Variants in TMEM82 observed in about 807,000 individuals in gnomAD.
TMEM82 encodes the protein transmembrane protein 82.
A neutral mutation model predicts 29.2 loss-of-function variants in TMEM82; 30 were observed. The ratio of observed to expected loss-of-function variants is 1.03; its 90% CI spans 0.77 to 1.39. TMEM82 has a LOEUF of 1.39. TMEM82 is among the 40% of genes most tolerant of loss of function. The pLI, the probability that TMEM82 is intolerant of heterozygous loss-of-function variation, is 0.00. For synonymous variants in TMEM82, 221 were observed against 225.4 expected (o/e 0.98, Z 0.18); for missense variants, 442 against 447.7 (o/e 0.99, Z 0.12).
chr1:15,742,681 G>C, intron 1 of TMEM82, 34 bp downstream of exon 1: 1 of 1,579,272 alleles, frequency 6.3e-7, no homozygotes, highest in East Asian at 2.3e-5. Flanking sequence ...CCTTGGCCCC[G>C]CCCCCTTCCA....
chr1:15,744,632 G>A lies in TMEM82; in HGVS notation c.757+52G>A, dbSNP rs756642969. 16 of 1,524,432 alleles carry A rather than the reference G, an allele frequency of 1.0e-5. 1 individual carries two copies. The South Asian group carries it at 2.1e-4, about 20-fold the overall frequency. 94.4% of individuals were successfully genotyped at this position (1,524,432 alleles called of 1,614,324 possible). On this transcript the variant is annotated intron_variant, in intron 4 of 5. Coordinates refer to ENST00000375782, the MANE Select transcript of TMEM82 (RefSeq NM_001013641.3). This position sits in a 1 kb window ranked among gnomAD's most constrained non-coding sequence, Gnocchi z 5.2. ...CAATCCACGCACATCCCTCTGTCTG[G>A]GTCAGGCTCCGGGGAGGCCGAGAGC...
chr1:15,742,761 C>T (rs2148393658), intron 1 of TMEM82, 74 bp from the exon 2 acceptor site: 1 of 1,547,454 alleles, frequency 6.5e-7, no homozygotes, highest in African/African-American at 1.4e-5. Flanking sequence ...GCCGCCCCCT[C>T]TGACCCTACC....
chr1:15,746,263 C>T (rs2068334657), intron 4 of TMEM82, among the ~76,000 whole-genome samples: 1 of 151,788 alleles, frequency 6.6e-6, no homozygotes, highest in Non-Finnish European at 1.5e-5. Flanking sequence ...GCAGGCAAAT[C>T]ACTTGAGGTC....
Position 15,746,856 on chromosome 1 carries a change from G to A in TMEM82, c.758-11G>A, listed in dbSNP as rs201599250. 1.3e-5 allele frequency: 20 copies of A among 1,554,486 alleles called. No individual in the cohort carries two copies. Among genetic ancestry groups the A allele is most frequent in the South Asian group, 8.1e-5 (7 of 86,648 alleles). ...TGTGGTCGGACGGTGACAGGCACCC[G>A]CATCCCACAGAGGAGCAGCGGCAGC... On this transcript the variant is annotated splice_polypyrimidine_tract_variant and intron_variant, in intron 4 of 5. Coordinates refer to ENST00000375782, the MANE Select transcript of TMEM82 (RefSeq NM_001013641.3).
chr1:15,746,021 G>A (rs1284864572), intron 4 of TMEM82, among the ~76,000 whole-genome samples: 4 of 151,134 alleles, frequency 2.6e-5, no homozygotes, highest in Admixed American at 1.3e-4. Flanking sequence ...CACTGTGCCC[G>A]GCTTACTGCA....
rs150676407 is a variant in TMEM82, at chr1:15,747,608, G to A, written c.1008G>A (p.Gln336=). The A allele has an allele frequency of 5.8e-4, 937 of 1,614,068 alleles. 11 individuals are homozygous for A. The African/African-American group carries it at 0.011, about 20-fold the overall frequency. The change falls in exon 6 of 6, where the codon CAG becomes CAA. Residue 336 remains glutamine (Q), a synonymous_variant. Transcript: ENST00000375782. ...TPSQPLPSAP[Q]SQSSAPS ...GCCAGCCCCTGCCCTCGGCACCCCA[G>A]TCCCAGAGTTCGGCCCCCTCTTGAC...
chr1:15,744,543 C>T lies in TMEM82; in HGVS notation c.720C>T (p.Leu240=), dbSNP rs746432293. The change falls in exon 4 of 6, where the codon CTC becomes CTT. Residue 240 remains leucine, a synonymous_variant. Transcript: ENST00000375782. This position sits in a 1 kb window ranked among gnomAD's most constrained non-coding sequence, Gnocchi z 5.2. ...TSEAMRFWTP[L]TICYTLLVIY... is the part of the protein sequence containing the mutation. ...AGGCCATGCGGTTCTGGACACCGCTCACCATCTGCTACACGCTGCTGGTCA... is the reference window on the plus strand; with the variant it reads ...AGGCCATGCGGTTCTGGACACCGCTTACCATCTGCTACACGCTGCTGGTCA... 6.2e-6 allele frequency: 10 copies of T among 1,612,116 alleles called. No individual in the cohort carries two copies. In the South Asian group the frequency reaches 9.9e-5, roughly 16 times the overall value.
At position 15,747,071 on chromosome 1, in the gene TMEM82, C is replaced by T. The variant is rs1296766010; in HGVS notation, c.945+17C>T. 1 of 1,598,064 alleles carries T rather than the reference C, an allele frequency of 6.3e-7. No homozygotes were observed. Among genetic ancestry groups the T allele is most frequent in the Admixed American group, 1.7e-5 (1 of 58,396 alleles). On this transcript the variant is annotated intron_variant, in intron 5 of 5. Transcript: ENST00000375782. Reference sequence around the variant, plus strand: ...CAGATACAGGTGGGCACCCCCATCCCATGTGTCCCCCAGACAATGAACCCT... The same window carrying T: ...CAGATACAGGTGGGCACCCCCATCCTATGTGTCCCCCAGACAATGAACCCT...
At position 15,743,205 on chromosome 1, in the gene TMEM82, C is replaced by T. The variant is rs779844463; in HGVS notation, c.336+11C>T. On this transcript the variant is annotated intron_variant, in intron 3 of 5. Transcript: ENST00000375782. Reference sequence around the variant, plus strand: ...CTGTCCCTGGGCAAGGTGAGGCCTCCGGGAAGGCAGTGGGTGGATCACTCC... The same window carrying T: ...CTGTCCCTGGGCAAGGTGAGGCCTCTGGGAAGGCAGTGGGTGGATCACTCC... The T allele has an allele frequency of 4.6e-5, 74 of 1,602,172 alleles. No individual in the cohort carries two copies. Among genetic ancestry groups the T allele is most frequent in the South Asian group, 1.9e-4 (17 of 90,648 alleles).
At position 15,746,440 on chromosome 1, in the gene TMEM82, C is replaced by T. The variant is rs539920128; in HGVS notation, c.758-427C>T. ...AAAAAAAAAAAAAAAGAACAGAAGC[C>T]GGGAGCCTGGCAAGGAGGCTTCTTG... On this transcript the variant is annotated intron_variant, in intron 4 of 5. Coordinates refer to ENST00000375782, the MANE Select transcript of TMEM82 (RefSeq NM_001013641.3). 2.0e-3 allele frequency among the ~76,000 whole-genome samples: 306 copies of T among 150,834 alleles called. 1 individual carries two copies. Among genetic ancestry groups the T allele is most frequent in the African/African-American group, 7.2e-3 (295 of 41,128 alleles).
chr1:15,747,564 C>A lies in TMEM82; in HGVS notation c.964C>A (p.Pro322Thr). ...CQIQDFPSQR[P>T]PVSTPSQPLP... is the part of the protein sequence containing the mutation. Reference sequence around the variant, plus strand: ...TCCTCAGGATTTTCCATCCCAGAGGCCTCCAGTGTCAACACCAAGCCAGCC... The same window carrying A: ...TCCTCAGGATTTTCCATCCCAGAGGACTCCAGTGTCAACACCAAGCCAGCC... The change falls in exon 6 of 6, where the codon CCT becomes ACT. Residue 322 changes from proline to threonine, a missense_variant. Transcript: ENST00000375782. 1 of 1,614,096 alleles carries A rather than the reference C, an allele frequency of 6.2e-7. No individual in the cohort carries two copies. Among genetic ancestry groups the A allele is most frequent in the Middle Eastern group, 1.7e-4 (1 of 6,058 alleles).
Position 15,747,793 on chromosome 1 carries a change from G to A in TMEM82, c.*161G>A, listed in dbSNP as rs566747000. On this transcript the variant is annotated 3_prime_UTR_variant, in exon 6 of 6. Coordinates refer to ENST00000375782, the MANE Select transcript of TMEM82 (RefSeq NM_001013641.3). ...CCCGAGAAGGGAAGGCAGGATTTGG[G>A]GATGGGAGCCTCTGGAGAGGGGACA... The A allele has an allele frequency of 4.5e-5, 27 of 603,178 alleles. 2 individuals are homozygous for A. In the South Asian group the frequency reaches 7.6e-4, roughly 17 times the overall value. 37.4% of individuals were successfully genotyped at this position (603,178 alleles called of 1,614,324 possible). A position where few individuals can be genotyped will look rare whatever the true frequency, so the allele number is the denominator to read the frequency against.
Position 15,747,682 on chromosome 1 carries a change from TC to T in TMEM82, c.*52del. ...CTGTCTCAAGCCCACTAGCCTGATC[TC>T]CGAGGCCTTGACCCCAGGGCGATGC... On this transcript the variant is annotated 3_prime_UTR_variant, in exon 6 of 6. Transcript: ENST00000375782. 1 of 1,533,284 alleles carries T rather than the reference TC, an allele frequency of 6.5e-7. No homozygotes were observed. The highest frequency in any genetic ancestry group is 1.4e-5 in the African/African-American group (1 of 73,218). 95.0% of individuals were successfully genotyped at this position (1,533,284 alleles called of 1,614,324 possible).
At chr1:15,747,190 G>A in intron 5 of TMEM82, 136 bp downstream of exon 5, 1 of 951,226 alleles carries the variant, frequency 1.1e-6, no homozygotes, top group Non-Finnish European at 1.5e-6. Context: ...TACTCAGGAG[G>A]CTGAGACCTG....
Position 15,744,169 on chromosome 1 carries a change from G to T in TMEM82, c.346G>T (p.Gly116Cys), listed in dbSNP as rs758986775. The change falls in exon 4 of 6, where the codon GGT becomes TGT. Residue 116 changes from glycine to cysteine, a missense_variant. By Grantham distance (159) the Gly-to-Cys change is radical. Transcript: ENST00000375782. The surrounding 1 kb of genome is among the most constrained non-coding windows in gnomAD (Gnocchi z 5.2). ...TCGGCACTCCCCGCAGGGCTCCCAG[G>T]GTGCCGCCGAGAGGCTGCAGCTCTA... ...TLLSLGKGSQ[G>C]AAERLQLYLL... 4 of 1,557,540 alleles carry T rather than the reference G, an allele frequency of 2.6e-6. No individual in the cohort carries two copies. Among genetic ancestry groups the T allele is most frequent in the Non-Finnish European group, 3.5e-6 (4 of 1,154,838 alleles).
chr1:15,744,335 A>G lies in TMEM82; in HGVS notation c.512A>G (p.His171Arg). The change falls in exon 4 of 6, where the codon CAC becomes CGC. Residue 171 changes from histidine to arginine, a missense_variant. Physicochemically the swap from His to Arg is conservative, Grantham distance 29. Transcript: ENST00000375782. The surrounding 1 kb of genome is among the most constrained non-coding windows in gnomAD (Gnocchi z 5.2). ...TLLGLGARRL[H>R]RHVCRLYELH... is the part of the protein sequence containing the mutation. Reference sequence around the variant, plus strand: ...CTGGGCCTGGGTGCCCGGCGCCTCCACCGCCACGTCTGCCGCCTCTACGAG... The same window carrying G: ...CTGGGCCTGGGTGCCCGGCGCCTCCGCCGCCACGTCTGCCGCCTCTACGAG... 2 of 1,543,802 alleles carry G rather than the reference A, an allele frequency of 1.3e-6. No homozygotes were observed. Among genetic ancestry groups the G allele is most frequent in the South Asian group, 2.4e-5 (2 of 84,532 alleles).
intron 4 of TMEM82, among the ~76,000 whole-genome samples, chr1:15,745,725 C>T (rs2148395793): frequency 6.6e-6 from 1 of 151,732 alleles, no homozygotes; most frequent in African/African-American, 2.4e-5. Context: ...AAACCCCCGT[C>T]TCTACTAGAA....
chr1:15,746,054 T>C (rs989548773), intron 4 of TMEM82, among the ~76,000 whole-genome samples: 1 of 151,660 alleles, frequency 6.6e-6, no homozygotes, highest in Non-Finnish European at 1.5e-5. Flanking sequence ...GTTGTTGTTT[T>C]GTTTTGAGAT....
intron 4 of TMEM82, among the ~76,000 whole-genome samples, chr1:15,746,199 C>T (rs777598265): frequency 6.6e-5 from 10 of 151,372 alleles, no homozygotes; most frequent in Non-Finnish European, 1.0e-4. Flanking sequence ...AACAAAAAAA[C>T]GGGGCCAAGC....
Sources: gnomAD v4.1 joint callset for allele counts (sites outside exome capture counted in the v4.1 genomes callset) on GRCh38, gnomAD v4.1.1 for gene constraint, Gnocchi (gnomAD v3.1) non-coding constraint, MANE v1.5 for transcripts, NCBI Gene and HGNC (gene_info 2026-07-23, HGNC 2026-07-21) for gene names.